Variants in LYRM9 observed in about 807,000 individuals in gnomAD.
LYRM9 encodes the protein LYR motif-containing protein 9.
Under a neutral mutation model 12.6 loss-of-function variants are expected in LYRM9, and 14 were observed. That is an observed-to-expected ratio of 1.11 (90% confidence interval 0.73 to 1.73). The LOEUF (loss-of-function observed/expected upper bound fraction) is 1.73. Among genes scored for constraint, LYRM9 ranks in the 40% most tolerant of loss-of-function variants. LYRM9 has a pLI of 0.00. For missense variants in LYRM9, 94 were observed against 95.0 expected (o/e 0.99, Z 0.04); for synonymous variants, 42 against 35.1 (o/e 1.20, Z -0.69).
At chr17:27,885,701 C>CA (rs61615628) in intron 1 of LYRM9, among the ~76,000 whole-genome samples, 2,406 of 29,184 alleles carry the variant, frequency 0.082, 264 homozygotes, top group African/African-American at 0.17. Flanking sequence ...AACTCTGTCT[C>CA]AAAAAAAAAA....
chr17:27,889,705 A>G (rs1248886116), intron 1 of LYRM9, among the ~76,000 whole-genome samples: 1 of 152,180 alleles, frequency 6.6e-6, no homozygotes, highest in Non-Finnish European at 1.5e-5. Flanking sequence ...ATATCAACTC[A>G]ATTCAACAAA....
At chr17:27,880,866 T>G (rs1905028015) in intron 2 of LYRM9, 1 of 160,734 alleles carries the variant, frequency 6.2e-6, no homozygotes, top group South Asian at 1.8e-4. Flanking sequence ...CCAGGCCCAG[T>G]GCAGAGCATG....
chr17:27,888,161 C>T lies in LYRM9; in HGVS notation c.-19+5156G>A, dbSNP rs534817952. Among the ~76,000 whole-genome samples the T allele has an allele frequency of 1.9e-4, 29 of 152,328 alleles. 1 individual carries two copies. The South Asian group carries it at 4.1e-3, about 22-fold the overall frequency. On this transcript the variant is annotated intron_variant, in intron 1 of 3. Coordinates refer to ENST00000379102, the MANE Select transcript of LYRM9 (RefSeq NM_001076680.3). ...GTAGACATTCAATTTCTATTTTGAA[C>T]GAATCCTCCTACTTCTGCCTACAGT...
chr17:27,889,015 T>C (rs1597595640), intron 1 of LYRM9, among the ~76,000 whole-genome samples: 2 of 152,184 alleles, frequency 1.3e-5, no homozygotes, highest in East Asian at 3.8e-4. Flanking sequence ...CCCTAGTCCC[T>C]TTTCCAATGT....
intron 1 of LYRM9, among the ~76,000 whole-genome samples, chr17:27,884,937 C>T (rs552755923): frequency 2.5e-4 from 38 of 152,274 alleles, no homozygotes; most frequent in African/African-American, 9.1e-4. Flanking sequence ...GTTCCAGAGG[C>T]TCCTTCATTC....
At position 27,879,806 on chromosome 17, in the gene LYRM9, T is replaced by C. The variant is rs980881990; in HGVS notation, c.220-316A>G. ...TCTAGGTCCTTCTAATACCAGCATC[T>C]AAGGGCCAAGACGCCAGTCTACATT... On this transcript the variant is annotated intron_variant, in intron 3 of 3. Transcript: ENST00000379102. 3 of 543,740 alleles carry C rather than the reference T, an allele frequency of 5.5e-6. No homozygotes were observed. In the African/African-American group the frequency reaches 5.7e-5, roughly 10 times the overall value. The allele number at this position is 543,740 out of a possible 1,614,324, so 33.7% of individuals were successfully genotyped here. A position where few individuals can be genotyped will look rare whatever the true frequency, so the allele number is the denominator to read the frequency against.
At chr17:27,879,645 A>C (rs965530240) in intron 3 of LYRM9, 155 bp from the exon 4 acceptor site, 1 of 686,206 alleles carries the variant, frequency 1.5e-6, no homozygotes, top group African/African-American at 1.8e-5. Flanking sequence ...TGGGCAGCCA[A>C]ATCTCTAGTT....
At chr17:27,888,757 T>C (rs1047261390) in intron 1 of LYRM9, among the ~76,000 whole-genome samples, 3 of 152,164 alleles carry the variant, frequency 2.0e-5, no homozygotes. Context: ...AAAATCGCTT[T>C]AAAAACACAC....
chr17:27,882,124 CTT>C (rs777393107), intron 2 of LYRM9, among the ~76,000 whole-genome samples: 30 of 152,236 alleles, frequency 2.0e-4, no homozygotes, highest in East Asian at 1.2e-3. Context: ...CACCATATCT[CTT>C]GAGTTCTCTA....
chr17:27,889,064 T>C (rs7224724), intron 1 of LYRM9, among the ~76,000 whole-genome samples: 99,641 of 151,916 alleles, frequency 0.66, 32,909 homozygotes, highest in Admixed American at 0.7. Context: ...AAAGTGTCTC[T>C]GTCCCACTTG....
chr17:27,884,449 C>T (rs1015141838), intron 1 of LYRM9, among the ~76,000 whole-genome samples: 2 of 152,250 alleles, frequency 1.3e-5, no homozygotes, highest in Non-Finnish European at 2.9e-5. Flanking sequence ...AAATGTGGCG[C>T]CTTTCAGTGC....
intron 1 of LYRM9, among the ~76,000 whole-genome samples, chr17:27,887,745 TG>T: frequency 6.6e-6 from 1 of 151,832 alleles, no homozygotes; most frequent in African/African-American, 2.4e-5. Flanking sequence ...TGTGTGTGTG[TG>T]TGTGTGTGTG....
chr17:27,879,975 GGCACT>G lies in LYRM9; in HGVS notation c.219+294_219+298del, dbSNP rs202171172. 2.3e-3 allele frequency: 1,486 copies of G among 635,064 alleles called. 19 individuals are homozygous for G. The Admixed American group carries it at 0.031, about 13-fold the overall frequency. The allele number at this position is 635,064 out of a possible 1,614,324, so 39.3% of individuals were successfully genotyped here. A position where few individuals can be genotyped will look rare whatever the true frequency, so the allele number is the denominator to read the frequency against. ...GCATCACAGTGCCACCGCCGGCTCTGGCACTATAGCTTTCCCTCCTTCTTCCTGCT... is the reference window on the plus strand; with the variant it reads ...GCATCACAGTGCCACCGCCGGCTCTGATAGCTTTCCCTCCTTCTTCCTGCT... On this transcript the variant is annotated intron_variant, in intron 3 of 3. Transcript: ENST00000379102.
intron 3 of LYRM9, chr17:27,879,726 A>C (rs968413216): frequency 2.5e-5 from 14 of 551,416 alleles, no homozygotes; most frequent in African/African-American, 2.5e-4. Context: ...GATAGTGATA[A>C]CTCACTCTGG....
chr17:27,888,787 C>T (rs531351023), intron 1 of LYRM9, among the ~76,000 whole-genome samples: 1 of 152,182 alleles, frequency 6.6e-6, no homozygotes, highest in Non-Finnish European at 1.5e-5. Flanking sequence ...AGTCACCCAG[C>T]TTTTCTCCCT....
At chr17:27,882,864 G>A in intron 1 of LYRM9, 152 bp from the exon 2 acceptor site, 1 of 840,960 alleles carries the variant, frequency 1.2e-6, no homozygotes, top group Non-Finnish European at 1.9e-6. Flanking sequence ...GGGGTGGGGT[G>A]GGCATTCAGT....
chr17:27,891,701 T>TA (rs1905457094), intron 1 of LYRM9, among the ~76,000 whole-genome samples: 1 of 152,178 alleles, frequency 6.6e-6, no homozygotes, highest in East Asian at 1.9e-4. Context: ...TGACAGAACT[T>TA]AGAGCAGGTT....
At chr17:27,884,216 T>G (rs1353864270) in intron 1 of LYRM9, among the ~76,000 whole-genome samples, 1 of 152,206 alleles carries the variant, frequency 6.6e-6, no homozygotes, top group Non-Finnish European at 1.5e-5. Context: ...AAAGGAACTA[T>G]GAGAGTATAG....
chr17:27,880,360 G>T lies in LYRM9; in HGVS notation c.133C>A (p.Arg45=), dbSNP rs187626301. 1.2e-5 allele frequency: 20 copies of T among 1,602,234 alleles called. No individual in the cohort carries two copies. In the African/African-American group the frequency reaches 2.1e-4, roughly 17 times the overall value. Residue 45 remains arginine, a synonymous_variant, in exon 3 of 4, where the codon CGG becomes AGG. Transcript: ENST00000379102. ...HYKHAVRQSF[R]VHSDEDNPER... Reference sequence around the variant, plus strand: ...GGGTTGTCTTCATCTGAATGAACCCGAAAACTCTGCAAGTTTAAGCATAAA... The same window carrying T: ...GGGTTGTCTTCATCTGAATGAACCCTAAAACTCTGCAAGTTTAAGCATAAA...
Sources: gnomAD v4.1 joint callset for allele counts (sites outside exome capture counted in the v4.1 genomes callset) on GRCh38, gnomAD v4.1.1 for gene constraint, MANE v1.5 for transcripts, NCBI Gene and HGNC (gene_info 2026-07-23, HGNC 2026-07-21) for gene names.